The following ACAA1 variants were observed in gnomAD, a reference collection of about 807,000 sequenced individuals.
ACAA1 encodes acetyl-CoA acyltransferase 1.
A neutral mutation model predicts 48.8 loss-of-function variants in ACAA1; 44 were observed. The ratio of observed to expected loss-of-function variants is 0.90; its 90% CI spans 0.71 to 1.16. ACAA1 has a LOEUF of 1.16. ACAA1 is among the 50% of genes most tolerant of loss of function. The pLI is 0.00. For synonymous variants in ACAA1, 233 were observed against 226.5 expected, an observed-to-expected ratio of 1.03 and a Z score of -0.26; for missense variants, 512 against 562.3, an observed-to-expected ratio of 0.91 and a Z score of 0.90.
chr3:38,131,747 G>T, intron 4 of ACAA1, 109 bp from the exon 5 acceptor site: 1 of 1,364,430 alleles, frequency 7.3e-7, no homozygotes, highest in Non-Finnish European at 1.0e-6. Flanking sequence ...CCCAGCCTCA[G>T]AAATGGAAGA....
chr3:38,127,056 A>G (rs1265658004), intron 7 of ACAA1, among the ~76,000 whole-genome samples: 1 of 152,224 alleles, frequency 6.6e-6, no homozygotes, highest in Non-Finnish European at 1.5e-5. Flanking sequence ...TTTTCTGCTC[A>G]AACTCAACAG....
At chr3:38,127,756 T>C in intron 7 of ACAA1, 30 bp downstream of exon 7, 1 of 1,609,946 alleles carries the variant, frequency 6.2e-7, no homozygotes, top group African/African-American at 1.3e-5. Context: ...TCTCCAGCCC[T>C]TTAAACATTC....
In ACAA1 at chr3:38,126,145, T is replaced by G. The variant is rs199840922; in HGVS notation, c.997+17A>C. 8 of 1,611,038 alleles carry G rather than the reference T, an allele frequency of 5.0e-6. No individual in the cohort carries two copies. In the East Asian group the frequency reaches 1.8e-4, roughly 36 times the overall value. The stretch of plus-strand genomic sequence containing the variant: ...ATCCAGGTGGGACCCAGATACTATA[T>G]GAAGGAGCCACCTTACCTGCTTTTT... On this transcript the variant is annotated intron_variant, in intron 9 of 11. Coordinates refer to ENST00000333167, the MANE Select transcript of ACAA1 (RefSeq NM_001607.4). This position sits in a 1 kb window ranked among gnomAD's most constrained non-coding sequence, Gnocchi z 4.7.
intron 5 of ACAA1, among the ~76,000 whole-genome samples, chr3:38,131,080 G>A (rs1184072114): frequency 6.6e-6 from 1 of 152,216 alleles, no homozygotes; most frequent in African/African-American, 2.4e-5. Context: ...AGGTGAAGGT[G>A]ACAGTGACCA....
At chr3:38,128,789 C>T (rs1444606618) in intron 6 of ACAA1, among the ~76,000 whole-genome samples, 1 of 152,162 alleles carries the variant, frequency 6.6e-6, no homozygotes, top group Non-Finnish European at 1.5e-5. Flanking sequence ...GACAGGGTTT[C>T]ACTGTGTTAG....
intron 4 of ACAA1, 123 bp downstream of exon 4, chr3:38,131,803 C>G: frequency 8.2e-7 from 1 of 1,216,416 alleles, no homozygotes; most frequent in Non-Finnish European, 1.2e-6. Flanking sequence ...AGGGGGCGCT[C>G]CTGCACTCTT....
chr3:38,135,162 T>C (rs1215023184), intron 2 of ACAA1: 2 of 152,236 alleles, frequency 1.3e-5, no homozygotes, highest in Non-Finnish European at 2.9e-5. Flanking sequence ...AACTTATTTA[T>C]GATGCAGATT....
intron 1 of ACAA1, 37 bp downstream of exon 1, chr3:38,136,828 T>A: frequency 1.3e-6 from 2 of 1,491,708 alleles, no homozygotes; most frequent in Non-Finnish European, 1.8e-6. Flanking sequence ...CGCGCCGGCG[T>A]CTTCCCACAC....
chr3:38,132,147 G>A (rs1700803356), intron 3 of ACAA1, 142 bp from the exon 4 acceptor site: 3 of 647,470 alleles, frequency 4.6e-6, no homozygotes, highest in Admixed American at 2.6e-5. Context: ...TCCCATGCCA[G>A]GCCAGATCCA....
chr3:38,130,376 C>T (rs546044767), intron 5 of ACAA1, among the ~76,000 whole-genome samples: 15 of 152,366 alleles, frequency 9.8e-5, no homozygotes, highest in Admixed American at 3.9e-4. Context: ...CAGAGCTGAG[C>T]TAGGTATCCC....
intron 11 of ACAA1, chr3:38,124,546 G>C (rs997566665): frequency 6.6e-6 from 1 of 152,254 alleles, no homozygotes; most frequent in African/African-American, 2.4e-5. Flanking sequence ...AGCAGAGGTT[G>C]CAGTGAGCCA....
chr3:38,135,853 C>T (rs1700880749), intron 2 of ACAA1, among the ~76,000 whole-genome samples: 1 of 152,186 alleles, frequency 6.6e-6, no homozygotes, highest in Non-Finnish European at 1.5e-5. Flanking sequence ...TTTACTAATA[C>T]TCCTCAGCAC....
chr3:38,127,973 G>A (rs779670407), intron 6 of ACAA1, 107 bp from the exon 7 acceptor site: 29 of 1,081,880 alleles, frequency 2.7e-5, no homozygotes, highest in Non-Finnish European at 4.1e-5. Context: ...GCTGTAGGCA[G>A]GACAGGATGT....
chr3:38,126,412 C>T lies in ACAA1; in HGVS notation c.818-71G>A. On this transcript the variant is annotated intron_variant, in intron 8 of 11. Coordinates refer to ENST00000333167, the MANE Select transcript of ACAA1 (RefSeq NM_001607.4). This position sits in a 1 kb window ranked among gnomAD's most constrained non-coding sequence, Gnocchi z 4.7. ...GGAGATCCCAGCCCTCCCACTTCTA[C>T]TTTGCAGAGGGGCCTGGTCTATTCC... The T allele has an allele frequency of 2.5e-6, 4 of 1,605,730 alleles. No homozygotes were observed. The South Asian group carries it at 4.4e-5, about 18-fold the overall frequency.
chr3:38,131,494 G>A (rs549289886), intron 5 of ACAA1, 102 bp downstream of exon 5: 3 of 1,273,590 alleles, frequency 2.4e-6, no homozygotes, highest in Non-Finnish European at 3.4e-6. Context: ...TGCCTAAAGG[G>A]GATGGGGGGA....
intron 5 of ACAA1, 118 bp downstream of exon 5, chr3:38,131,478 G>T: frequency 9.2e-7 from 1 of 1,083,576 alleles, no homozygotes; most frequent in Non-Finnish European, 1.4e-6. Context: ...CCCACTCGTG[G>T]CCAGCTGCCT....
chr3:38,134,074 G>T, intron 2 of ACAA1, 65 bp from the exon 3 acceptor site: 1 of 1,481,642 alleles, frequency 6.7e-7, no homozygotes, highest in Non-Finnish European at 9.2e-7. Flanking sequence ...GTATAGCTGT[G>T]AAAACCAGAG....
At chr3:38,130,361 T>G (rs533475540) in intron 5 of ACAA1, among the ~76,000 whole-genome samples, 17 of 152,218 alleles carry the variant, frequency 1.1e-4, no homozygotes, top group African/African-American at 4.1e-4. Context: ...TCTTCTCAAC[T>G]TCAACAGAGC....
intron 6 of ACAA1, among the ~76,000 whole-genome samples, chr3:38,128,331 A>T (rs962554464): frequency 1.4e-4 from 21 of 152,172 alleles, no homozygotes; most frequent in Non-Finnish European, 1.5e-5. Context: ...GGAAAGGCCA[A>T]ACCTAAGCTT....
Sources: allele counts gnomAD v4.1 joint callset (sites outside exome capture counted in the v4.1 genomes callset), GRCh38; gene constraint gnomAD v4.1.1; non-coding constraint Gnocchi (gnomAD v3.1); transcripts MANE v1.5; gene names NCBI Gene and HGNC (gene_info 2026-07-23, HGNC 2026-07-21).